The following KLHDC4 variants were observed in gnomAD, a reference collection of about 807,000 sequenced individuals.
KLHDC4 encodes kelch domain containing 4, also known as kelch domain-containing protein 4.
In KLHDC4, 90 loss-of-function variants were observed where a neutral mutation model predicts 62.4. The observed-to-expected ratio is 1.44, with a 90% CI of 1.22 to 1.72. The LOEUF (loss-of-function observed/expected upper bound fraction) is 1.72. KLHDC4 is among the 40% of genes most tolerant of loss of function. The pLI, the probability that KLHDC4 is intolerant of heterozygous loss-of-function variation, is 0.00. For synonymous variants in KLHDC4, 386 were observed against 284.4 expected (o/e 1.36, Z -3.59); for missense variants, 1,025 against 699.7 (o/e 1.47, Z -5.25).
downstream of KLHDC4, among the ~76,000 whole-genome samples, chr16:87,703,904 G>A (rs756100442): frequency 5.9e-5 from 9 of 152,218 alleles, no homozygotes; most frequent in African/African-American, 9.6e-5. Flanking sequence ...AACCTGCGCC[G>A]GGAGCCATCT....
chr16:87,703,667 G>A (rs924707078), downstream of KLHDC4, among the ~76,000 whole-genome samples: 1 of 152,258 alleles, frequency 6.6e-6, no homozygotes, highest in African/African-American at 2.4e-5. Context: ...GCTGCAGCCA[G>A]TGGGGGCTTG....
At chr16:87,749,037 C>A (rs1420821309) in intron 4 of KLHDC4, among the ~76,000 whole-genome samples, 1 of 150,660 alleles carries the variant, frequency 6.6e-6, no homozygotes, top group Non-Finnish European at 1.5e-5. Context: ...TTCATGTATC[C>A]CTAGGTTGCA....
At chr16:87,728,113 C>A (rs4843685) in intron 6 of KLHDC4, among the ~76,000 whole-genome samples, 1 of 151,938 alleles carries the variant, frequency 6.6e-6, no homozygotes, top group African/African-American at 2.4e-5. Flanking sequence ...TTTGAACCTA[C>A]GAGGTGGAGG....
At chr16:87,722,891 T>C (rs1412603684) in intron 7 of KLHDC4, among the ~76,000 whole-genome samples, 1 of 152,128 alleles carries the variant, frequency 6.6e-6, no homozygotes, top group African/African-American at 2.4e-5. Flanking sequence ...ACTTGCTCAG[T>C]GAAATGTGAG....
chr16:87,757,688 A>G (rs1231025289), intron 2 of KLHDC4, among the ~76,000 whole-genome samples: 1 of 151,806 alleles, frequency 6.6e-6, no homozygotes, highest in Non-Finnish European at 1.5e-5. Context: ...TGAGGAGTTC[A>G]AGACCAGCCT....
chr16:87,765,257 C>G, intron 1 of KLHDC4: 1 of 456,080 alleles, frequency 2.2e-6, no homozygotes, highest in Non-Finnish European at 4.4e-6. Flanking sequence ...TCAGCTGCTA[C>G]GGGATACCCC....
chr16:87,708,366 G>A lies in KLHDC4; in HGVS notation c.1548C>T (p.Ser516=), dbSNP rs181791248. 45 of 1,607,248 alleles carry A rather than the reference G, an allele frequency of 2.8e-5. 1 individual carries two copies. Among genetic ancestry groups the A allele is most frequent in the East Asian group, 2.5e-4 (11 of 44,788 alleles). ...CCCGCTCACCTCAGTCCTCCGCACCGCTCTCCTCTCCGCTGTCTTCGTCGT... is the reference window on the plus strand; with the variant it reads ...CCCGCTCACCTCAGTCCTCCGCACCACTCTCCTCTCCGCTGTCTTCGTCGT... ...GVDDEDSGEE[S]GAED is the part of the protein sequence containing the mutation. The change falls in exon 11 of 12, where the codon AGC becomes AGT. Residue 516 remains serine, a synonymous_variant. Coordinates refer to ENST00000270583, the MANE Select transcript of KLHDC4 (RefSeq NM_017566.4).
At position 87,755,210 on chromosome 16, in the gene KLHDC4, C is replaced by T. The variant is rs1357442610; in HGVS notation, c.353G>A (p.Arg118Lys). The T allele has an allele frequency of 1.2e-6, 2 of 1,609,916 alleles. No homozygotes were observed. Among genetic ancestry groups the T allele is most frequent in the African/African-American group, 1.3e-5 (1 of 74,948 alleles). ...TKVDIPSPPP[R>K]RCAHQAVVVP... ...TGACATTACCTGGTGAGCACAGCGCCTCGGAGGTGGACTGGGGATGTCAAC... is the reference window on the plus strand; with the variant it reads ...TGACATTACCTGGTGAGCACAGCGCTTCGGAGGTGGACTGGGGATGTCAAC... The change falls in exon 4 of 12, where the codon AGG (arginine) becomes AAG (lysine). Residue 118 changes from arginine (R) to lysine (K), a missense_variant. Transcript: ENST00000270583.
chr16:87,764,581 G>GGAGGTGCAGT (rs1253185149), intron 1 of KLHDC4, among the ~76,000 whole-genome samples: 1 of 148,640 alleles, frequency 6.7e-6, no homozygotes, highest in African/African-American at 2.5e-5. Flanking sequence ...CCTGGGAGGC[G>GGAGGTGCAGT]GAGGTGCAGT....
At chr16:87,759,737 T>C (rs373940120) in intron 2 of KLHDC4, among the ~76,000 whole-genome samples, 2 of 152,166 alleles carry the variant, frequency 1.3e-5, no homozygotes, top group African/African-American at 4.8e-5. Flanking sequence ...CTACACTCCG[T>C]CTCAGAAAAA....
intron 5 of KLHDC4, among the ~76,000 whole-genome samples, chr16:87,745,211 T>A (rs895044967): frequency 6.6e-6 from 1 of 152,348 alleles, no homozygotes; most frequent in Non-Finnish European, 1.5e-5. Flanking sequence ...ACACCCATAT[T>A]GCCCAGCACT....
At chr16:87,724,869 CA>C (rs1379485893) in intron 7 of KLHDC4, among the ~76,000 whole-genome samples, 4 of 152,182 alleles carry the variant, frequency 2.6e-5, no homozygotes, top group Non-Finnish European at 4.4e-5. Context: ...CGCAGCCACT[CA>C]AAAGATTATT....
In KLHDC4 at chr16:87,748,680, G is replaced by GT; in HGVS notation, c.498dup (p.Gln167ThrfsTer31). The GT allele has an allele frequency of 6.2e-7, 1 of 1,613,632 alleles. No homozygotes were observed. The highest frequency in any genetic ancestry group is 8.5e-7 in the Non-Finnish European group (1 of 1,179,946). The stretch of plus-strand genomic sequence containing the variant: ...TCTCATCTGGCTTCTTACTTGACTT[G>GT]TTCCCAGGTCTTGGTGGCCAAATGC... On this transcript the variant is annotated frameshift_variant, in exon 5 of 12. Transcript: ENST00000270583. LOFTEE classifies it high-confidence loss of function.
At chr16:87,744,396 C>T (rs1263048966) in intron 5 of KLHDC4, among the ~76,000 whole-genome samples, 2 of 146,840 alleles carry the variant, frequency 1.4e-5, no homozygotes, top group Non-Finnish European at 1.5e-5. Context: ...GCCTGGGCGA[C>T]GAGAATGAGA....
chr16:87,737,588 G>C (rs377433176), intron 5 of KLHDC4, among the ~76,000 whole-genome samples: 62 of 109,348 alleles, frequency 5.7e-4, no homozygotes, highest in African/African-American at 2.5e-3. Flanking sequence ...CTACAAATCA[G>C]TCTTTTTTTT....
intron 7 of KLHDC4, among the ~76,000 whole-genome samples, chr16:87,720,535 C>T (rs62055577): frequency 1.5e-4 from 18 of 116,766 alleles, no homozygotes; most frequent in African/African-American, 5.6e-4. Flanking sequence ...TGAGCCCCTG[C>T]GGAGACGCCG....
chr16:87,764,884 C>T (rs1297300123), intron 1 of KLHDC4, among the ~76,000 whole-genome samples: 1 of 150,186 alleles, frequency 6.7e-6, no homozygotes, highest in Non-Finnish European at 1.5e-5. Context: ...GGGAAAAGTC[C>T]AACTCCATTA....
chr16:87,709,134 G>A (rs923585550), intron 10 of KLHDC4, 131 bp downstream of exon 10: 18 of 1,161,462 alleles, frequency 1.5e-5, no homozygotes, highest in Non-Finnish European at 2.2e-5. Context: ...GACCGTGGAG[G>A]CAGGAGCACA....
At chr16:87,702,306 G>A (rs973438210) in exon 1 of KLHDC4, 4 of 456,144 alleles carry the variant, frequency 8.8e-6, no homozygotes, top group African/African-American at 4.0e-5. Context: ...GGTCTGCCGG[G>A]GGCTCCCAGG....
Sources: allele counts gnomAD v4.1 joint callset (sites outside exome capture counted in the v4.1 genomes callset), GRCh38; gene constraint gnomAD v4.1.1; transcripts MANE v1.5; gene names NCBI Gene and HGNC (gene_info 2026-07-23, HGNC 2026-07-21).